The following ZNF521 variants were observed in gnomAD, a reference collection of about 807,000 sequenced individuals.
The protein encoded by ZNF521 is zinc finger protein 521.
Under a neutral mutation model 105.5 loss-of-function variants are expected in ZNF521, and 14 were observed. That is an observed-to-expected ratio of 0.13 (90% confidence interval 0.09 to 0.21). ZNF521 has a LOEUF of 0.21. ZNF521 is among the 10% of genes least tolerant of loss of function. The pLI is 1.00. For synonymous variants in ZNF521, 635 were observed against 606.0 expected (o/e 1.05, Z -0.70); for missense variants, 1,233 against 1,629.7 (o/e 0.76, Z 4.19).
At chr18:25,076,191 A>G (rs1373566847) in intron 7 of ZNF521, among the ~76,000 whole-genome samples, 1 of 152,238 alleles carries the variant, frequency 6.6e-6, no homozygotes, top group Non-Finnish European at 1.5e-5. Context: ...AAAAACCTCG[A>G]AAATGGTAAT....
At position 25,227,689 on chromosome 18, in the gene ZNF521, C is replaced by G; in HGVS notation, c.229G>C (p.Asp77His). ...GAGCAAGTCGGATCATCTTCAACAT[C>G]CACTCCATCTGCAACAAGAAGCAAT... is the stretch of plus-strand genomic sequence containing the variant. The part of the protein sequence containing the change: ...INQCQLTDGV[D>H]VEDDPTCSWP... Residue 77 changes from aspartate (D) to histidine (H), a missense_variant, in exon 4 of 8, where the codon GAT becomes CAT. Asp to His is a moderately conservative substitution (Grantham distance 81). Around this residue, in one of 6 missense-constraint regions of ZNF521, gnomAD observed 85 missense variants for 162.2 expected, o/e 0.52. Transcript: ENST00000361524. The surrounding 1 kb of genome is among the most constrained non-coding windows in gnomAD (Gnocchi z 5.7). 6.2e-7 allele frequency: 1 copy of G among 1,610,016 alleles called. No individual in the cohort carries two copies. Among genetic ancestry groups the G allele is most frequent in the African/African-American group, 1.3e-5 (1 of 74,876 alleles).
chr18:25,138,655 A>C (rs2034782476), intron 5 of ZNF521, among the ~76,000 whole-genome samples: 1 of 152,210 alleles, frequency 6.6e-6, no homozygotes, highest in Non-Finnish European at 1.5e-5. Flanking sequence ...TAATAGTTGC[A>C]GGTGACAGAT....
At chr18:25,137,935 G>T (rs1168480915) in intron 5 of ZNF521, among the ~76,000 whole-genome samples, 2 of 152,184 alleles carry the variant, frequency 1.3e-5, no homozygotes, top group African/African-American at 2.4e-5. Context: ...ATTAATGGGG[G>T]TGTTCAGAAA....
intron 5 of ZNF521, among the ~76,000 whole-genome samples, chr18:25,168,803 G>A (rs2035395507): frequency 6.6e-6 from 1 of 152,154 alleles, no homozygotes; most frequent in African/African-American, 2.4e-5. Context: ...CTATGTCAGT[G>A]TGACCTGATC....
Position 25,225,263 on chromosome 18 carries a change from C to G in ZNF521, c.2655G>C (p.Met885Ile). The G allele has an allele frequency of 6.2e-7, 1 of 1,614,176 alleles. No individual in the cohort carries two copies. Among genetic ancestry groups the G allele is most frequent in the African/African-American group, 1.3e-5 (1 of 75,030 alleles). The part of the protein sequence containing the change: ...SEEDVDTSEP[M>I]YGCDICGAAY... ...CTGCCCCACAAATGTCGCAGCCGTA[C>G]ATAGGCTCAGAGGTGTCAACGTCTT... The change falls in exon 4 of 8, where the codon ATG becomes ATC. Residue 885 changes from methionine to isoleucine, a missense_variant. Coordinates refer to ENST00000361524, the MANE Select transcript of ZNF521 (RefSeq NM_015461.3). This position sits in a 1 kb window ranked among gnomAD's most constrained non-coding sequence, Gnocchi z 5.6.
chr18:25,227,058 T>C lies in ZNF521; in HGVS notation c.860A>G (p.His287Arg). The C allele has an allele frequency of 6.2e-7, 1 of 1,614,154 alleles. No homozygotes were observed. The highest frequency in any genetic ancestry group is 8.5e-7 in the Non-Finnish European group (1 of 1,180,008). ...GGAGGTCTCCTCTACGAAGAGCTCG[T>C]GGCAGTAGACACACTGGAGGGCCGC... The part of the protein sequence containing the change: ...DRAALQCVYC[H>R]ELFVEETSLM... Residue 287 changes from histidine to arginine, a missense_variant, in exon 4 of 8, where the codon CAC becomes CGC. By Grantham distance (29) the His-to-Arg change is conservative. This residue lies in a region of ZNF521 where 380 missense variants were observed against 478.0 expected (regional missense o/e 0.80). Transcript: ENST00000361524. The surrounding 1 kb of genome is among the most constrained non-coding windows in gnomAD (Gnocchi z 5.7).
At chr18:25,347,016 G>C (rs1318619716) in intron 2 of ZNF521, among the ~76,000 whole-genome samples, 1 of 152,108 alleles carries the variant, frequency 6.6e-6, no homozygotes, top group African/African-American at 2.4e-5. Flanking sequence ...AAAATTGTTT[G>C]TTATTAGGTA....
chr18:25,217,095 T>C (rs529406071), intron 4 of ZNF521, among the ~76,000 whole-genome samples: 150 of 152,252 alleles, frequency 9.9e-4, no homozygotes, highest in Non-Finnish European at 1.5e-3. Flanking sequence ...AGAGAGCCCA[T>C]GACTTTGTAA....
chr18:25,285,730 A>G (rs902701175), intron 3 of ZNF521, among the ~76,000 whole-genome samples: 2 of 150,092 alleles, frequency 1.3e-5, no homozygotes, highest in African/African-American at 5.0e-5. Flanking sequence ...ACACACACAC[A>G]CGTACGCGCC....
chr18:25,297,363 G>T (rs201311333), intron 3 of ZNF521, among the ~76,000 whole-genome samples: 1 of 152,124 alleles, frequency 6.6e-6, no homozygotes, highest in East Asian at 1.9e-4. Flanking sequence ...GTCTGTGACA[G>T]CTTGCACAAA....
rs531504996 is a variant in ZNF521, at chr18:25,088,421, G to A, written c.3906+1044C>T. ...TTTTTAGTAGAGATGGGGTTTCACC[G>A]TGTTAGCCAGGATGGTATCGATCTC... On this transcript the variant is annotated intron_variant, in intron 7 of 7. Transcript: ENST00000361524. 9.2e-5 allele frequency among the ~76,000 whole-genome samples: 14 copies of A among 151,736 alleles called. No homozygotes were observed. In the South Asian group the frequency reaches 1.0e-3, roughly 11 times the overall value.
At position 25,124,531 on chromosome 18, in the gene ZNF521, C is replaced by T. The variant is rs112538878; in HGVS notation, c.3659-32450G>A. Among the ~76,000 whole-genome samples the T allele has an allele frequency of 4.6e-5, 7 of 152,188 alleles. 1 individual carries two copies. The highest frequency in any genetic ancestry group is 1.7e-4 in the African/African-American group (7 of 41,546). On this transcript the variant is annotated intron_variant, in intron 5 of 7. Coordinates refer to ENST00000361524, the MANE Select transcript of ZNF521 (RefSeq NM_015461.3). ...AATATAAGCTAATTTCAGAGCCATC[C>T]TTTATTTTTTGCTTCTTCTATTTGT...
intron 5 of ZNF521, among the ~76,000 whole-genome samples, chr18:25,149,764 TGTA>T (rs544003499): frequency 8.5e-5 from 13 of 152,268 alleles, no homozygotes; most frequent in Admixed American, 8.5e-4. Flanking sequence ...GTTCATATCT[TGTA>T]GTAGTTCATA....
At chr18:25,232,335 C>T (rs1906588161) in intron 3 of ZNF521, among the ~76,000 whole-genome samples, 1 of 152,192 alleles carries the variant, frequency 6.6e-6, no homozygotes, top group Non-Finnish European at 1.5e-5. Flanking sequence ...GTTTCTAGGG[C>T]ACCTTATCAT....
chr18:25,226,630 A>G lies in ZNF521; in HGVS notation c.1288T>C (p.Leu430=). The part of the protein sequence containing the change: ...VLQIHLKTMH[L]DKPEQAHICQ... The stretch of plus-strand genomic sequence containing the variant: ...ATATGGGCCTGTTCTGGCTTATCTA[A>G]GTGCATAGTTTTCAGGTGAATCTGC... Residue 430 remains leucine, a synonymous_variant, in exon 4 of 8, where the codon TTA becomes CTA. Transcript: ENST00000361524. The surrounding 1 kb of genome is among the most constrained non-coding windows in gnomAD (Gnocchi z 4.1). The G allele has an allele frequency of 3.1e-6, 5 of 1,614,194 alleles. No individual in the cohort carries two copies. Among genetic ancestry groups the G allele is most frequent in the Non-Finnish European group, 4.2e-6 (5 of 1,180,034 alleles).
intron 5 of ZNF521, among the ~76,000 whole-genome samples, chr18:25,177,549 AT>A (rs770555164): frequency 0.027 from 4,000 of 145,594 alleles, 113 homozygotes; most frequent in African/African-American, 0.073. Flanking sequence ...CTTTGTGAGG[AT>A]TTTTTTTTTT....
intron 5 of ZNF521, among the ~76,000 whole-genome samples, chr18:25,140,051 TTC>T (rs1157953216): frequency 6.6e-6 from 1 of 152,156 alleles, no homozygotes; most frequent in Non-Finnish European, 1.5e-5. Context: ...AGAAATAATT[TTC>T]TGTTGCTTAT....
In ZNF521 at chr18:25,225,754, A is replaced by C; in HGVS notation, c.2164T>G (p.Phe722Val). The C allele has an allele frequency of 6.2e-7, 1 of 1,614,244 alleles. No homozygotes were observed. Among genetic ancestry groups the C allele is most frequent in the East Asian group, 2.2e-5 (1 of 44,884 alleles). The change falls in exon 4 of 8, where the codon TTT (phenylalanine) becomes GTT (valine). Residue 722 changes from phenylalanine to valine, a missense_variant. By Grantham distance (50) the Phe-to-Val change is conservative. Around this residue, in one of 6 missense-constraint regions of ZNF521, gnomAD observed 614 missense variants for 751.5 expected, o/e 0.82. Coordinates refer to ENST00000361524, the MANE Select transcript of ZNF521 (RefSeq NM_015461.3). This position sits in a 1 kb window ranked among gnomAD's most constrained non-coding sequence, Gnocchi z 5.6. ...ACTTCCTGGCAGAGGGTGCAGCGAA[A>C]GAAGACAAAGGTGTGCATGTCCAGC... The part of the protein sequence containing the change: ...HLLDMHTFVF[F>V]RCTLCQEVFD...
At chr18:25,281,273 T>C (rs140481101) in intron 3 of ZNF521, among the ~76,000 whole-genome samples, 1 of 152,370 alleles carries the variant, frequency 6.6e-6, no homozygotes, top group East Asian at 1.9e-4. Context: ...TTATGCTTGA[T>C]GTAAACCTAC....
Sources: allele counts gnomAD v4.1 joint callset (sites outside exome capture counted in the v4.1 genomes callset), GRCh38; gene constraint gnomAD v4.1.1; regional missense constraint gnomAD v4.1.1; non-coding constraint Gnocchi (gnomAD v3.1); transcripts MANE v1.5; gene names NCBI Gene and HGNC (gene_info 2026-07-23, HGNC 2026-07-21).